Variants in SUMF2 observed in about 807,000 individuals in gnomAD.
SUMF2 encodes the protein inactive C-alpha-formylglycine-generating enzyme 2.
In SUMF2, 45 loss-of-function variants were observed where a neutral mutation model predicts 44.8. That is an observed-to-expected ratio of 1.00 (90% confidence interval 0.79 to 1.29). The LOEUF (loss-of-function observed/expected upper bound fraction) is 1.29. Among genes scored for constraint, SUMF2 ranks in the 50% most tolerant of loss-of-function variants. The pLI, the probability that SUMF2 is intolerant of heterozygous loss-of-function variation, is 0.00. For synonymous variants in SUMF2, 148 were observed against 150.4 expected, an observed-to-expected ratio of 0.98 and a Z score of 0.12; for missense variants, 418 against 389.9, an observed-to-expected ratio of 1.07 and a Z score of -0.61.
At chr7:56,078,291 C>T in intron 7 of SUMF2, 73 bp from the exon 8 acceptor site, 1 of 1,560,776 alleles carries the variant, frequency 6.4e-7, no homozygotes, top group Admixed American at 1.8e-5. Flanking sequence ...GCCATTTGGC[C>T]CCCAGGACCT....
In SUMF2 at chr7:56,079,669, A is replaced by G. The variant is rs1795841988; in HGVS notation, c.*57A>G. 2 of 1,613,988 alleles carry G rather than the reference A, an allele frequency of 1.2e-6. No individual in the cohort carries two copies. The highest frequency in any genetic ancestry group is 1.7e-6 in the Non-Finnish European group (2 of 1,180,004). On this transcript the variant is annotated 3_prime_UTR_variant, in exon 9 of 9. Coordinates refer to ENST00000434526, the MANE Select transcript of SUMF2 (RefSeq NM_015411.4). ...CTAGGGTCACTGTCATTCCCTGGCC[A>G]TGTTGCAAACAGCGCAATTCCAAGC...
intron 5 of SUMF2, 36 bp downstream of exon 5, chr7:56,074,772 C>T: frequency 6.2e-7 from 1 of 1,612,142 alleles, no homozygotes; most frequent in South Asian, 1.1e-5. Context: ...CTTTATTCTT[C>T]TCCCCATCCT....
chr7:56,064,530 A>G (rs1669137036), intron 1 of SUMF2, 152 bp downstream of exon 1: 2 of 1,106,854 alleles, frequency 1.8e-6, no homozygotes, highest in East Asian at 6.1e-5. Flanking sequence ...GTGGCGCCTC[A>G]CCGCCTTATA....
chr7:56,065,223 G>T (rs749711004), intron 1 of SUMF2, among the ~76,000 whole-genome samples: 13 of 148,682 alleles, frequency 8.7e-5, no homozygotes, highest in Non-Finnish European at 1.9e-4. Flanking sequence ...GGAAAAAGGA[G>T]AATATAACGA....
downstream of SUMF2, chr7:56,081,775 G>A: frequency 6.3e-7 from 1 of 1,579,668 alleles, no homozygotes; most frequent in South Asian, 1.1e-5. This position sits in a 1 kb window ranked among gnomAD's most constrained non-coding sequence, Gnocchi z 4.6. Flanking sequence ...GAGGAGAGGG[G>A]AACCGAGAAT....
chr7:56,078,978 C>A (rs1470189258), intron 8 of SUMF2: 4 of 625,598 alleles, frequency 6.4e-6, no homozygotes, highest in Non-Finnish European at 1.2e-5. Flanking sequence ...CTCACTACAG[C>A]CTCAAACTGC....
At chr7:56,064,512 C>G in intron 1 of SUMF2, 134 bp downstream of exon 1, 1 of 1,286,698 alleles carries the variant, frequency 7.8e-7, no homozygotes, top group Non-Finnish European at 1.0e-6. Flanking sequence ...AGGTAGCTCT[C>G]GGTGCGCGTG....
chr7:56,082,251 C>T (rs768578172), downstream of SUMF2: 33 of 1,612,110 alleles, frequency 2.0e-5, no homozygotes, highest in South Asian at 3.5e-4. Flanking sequence ...GTCCCGCAGA[C>T]CTCTGCAGGA....
downstream of SUMF2, chr7:56,082,223 G>A: frequency 6.2e-7 from 1 of 1,613,758 alleles, no homozygotes; most frequent in Non-Finnish European, 8.5e-7. Context: ...GATAATCTCA[G>A]GGGCCAGGTA....
At chr7:56,087,002 C>T in the SUMF2 span, 1 of 1,613,434 alleles carries the variant, frequency 6.2e-7, no homozygotes, top group Non-Finnish European at 8.5e-7. Flanking sequence ...AAGTGTTGGT[C>T]TCATAAGTGT....
At chr7:56,087,136 A>G in the SUMF2 span, 12 of 787,792 alleles carry the variant, frequency 1.5e-5, no homozygotes, top group African/African-American at 1.9e-4. Context: ...AAAAGCTGAC[A>G]GGGGAATCAG....
chr7:56,078,472 A>T lies in SUMF2; in HGVS notation c.785A>T (p.Asp262Val), dbSNP rs1272717438. The T allele has an allele frequency of 6.3e-7, 1 of 1,597,200 alleles. No individual in the cohort carries two copies. ...LRGASWIDTA[D>V]GSANHRARVT... ...GGGGCATCCTGGATCGACACAGCTGATGGCTCTGCCAATCACCGGGCCCGG... is the reference window on the plus strand; with the variant it reads ...GGGGCATCCTGGATCGACACAGCTGTTGGCTCTGCCAATCACCGGGCCCGG... The change falls in exon 8 of 9, where the codon GAT becomes GTT. Residue 262 changes from aspartate (D) to valine (V), a missense_variant. Asp to Val is a radical substitution (Grantham distance 152). Transcript: ENST00000434526.
At chr7:56,074,293 C>A in intron 4 of SUMF2, 75 bp downstream of exon 4, 1 of 1,423,816 alleles carries the variant, frequency 7.0e-7, no homozygotes, top group Non-Finnish European at 9.9e-7. Context: ...TCCTCTCTAC[C>A]CCTCGTACAT....
chr7:56,064,321 C>T lies in SUMF2; in HGVS notation c.10C>T (p.His4Tyr), dbSNP rs1426768666. The change falls in exon 1 of 9, where the codon CAT becomes TAT. Residue 4 changes from histidine to tyrosine, a missense_variant. Physicochemically the swap from His to Tyr is moderately conservative, Grantham distance 83. Transcript: ENST00000434526. The stretch of plus-strand genomic sequence containing the variant: ...CAGCGCGGCAGTCCTGATGGCCCGG[C>T]ATGGGTTACCGCTGCTGCCCCTGCT... MAR[H>Y]GLPLLPLLSL... 69 of 1,596,372 alleles carry T rather than the reference C, an allele frequency of 4.3e-5. No individual in the cohort carries two copies. Among genetic ancestry groups the T allele is most frequent in the Non-Finnish European group, 5.6e-5 (66 of 1,171,978 alleles).
At chr7:56,074,301 C>T (rs982095673) in intron 4 of SUMF2, 83 bp downstream of exon 4, 1 of 1,377,538 alleles carries the variant, frequency 7.3e-7, no homozygotes, top group Non-Finnish European at 1.0e-6. Flanking sequence ...ACCCCTCGTA[C>T]ATCCAGGAAC....
intron 1 of SUMF2, 53 bp from the exon 2 acceptor site, chr7:56,068,429 A>T: frequency 6.7e-7 from 1 of 1,498,406 alleles, no homozygotes; most frequent in African/African-American, 1.4e-5. Context: ...AAATATTACC[A>T]CTTGTTTTAT....
intron 2 of SUMF2, among the ~76,000 whole-genome samples, chr7:56,070,629 C>CA (rs34809359): frequency 0.22 from 31,290 of 144,770 alleles, 3,370 homozygotes; most frequent in East Asian, 0.4. Context: ...CATCCTTTCT[C>CA]AAAAAAAAGA....
chr7:56,070,275 G>A (rs1352429340), intron 2 of SUMF2, among the ~76,000 whole-genome samples: 1 of 151,948 alleles, frequency 6.6e-6, no homozygotes, highest in Non-Finnish European at 1.5e-5. Context: ...CTCTTAAATG[G>A]AGTTAATAAC....
intron 1 of SUMF2, among the ~76,000 whole-genome samples, chr7:56,066,622 TTTTG>T (rs1794820263): frequency 6.6e-6 from 1 of 151,964 alleles, no homozygotes; most frequent in South Asian, 2.1e-4. Context: ...TTATTTTTGG[TTTTG>T]TTTGTTTCTT....
Sources: gnomAD v4.1 joint callset for allele counts (sites outside exome capture counted in the v4.1 genomes callset) on GRCh38, gnomAD v4.1.1 for gene constraint, Gnocchi (gnomAD v3.1) non-coding constraint, MANE v1.5 for transcripts, NCBI Gene and HGNC (gene_info 2026-07-23, HGNC 2026-07-21) for gene names.